Variants in ZBTB16 observed in about 807,000 individuals in gnomAD.
The protein encoded by ZBTB16 is zinc finger and BTB domain-containing protein 16.
Under a neutral mutation model 56.8 loss-of-function variants are expected in ZBTB16, and 8 were observed. The ratio of observed to expected loss-of-function variants is 0.14; its 90% CI spans 0.08 to 0.25. ZBTB16 has a LOEUF of 0.25. Ranked by LOEUF, ZBTB16 falls within the 10% of genes least tolerant of loss-of-function variation. ZBTB16 has a pLI of 1.00. For missense variants in ZBTB16, 625 were observed against 903.0 expected, an observed-to-expected ratio of 0.69 and a Z score of 3.95; for synonymous variants, 363 against 368.5, an observed-to-expected ratio of 0.98 and a Z score of 0.17.
intron 2 of ZBTB16, among the ~76,000 whole-genome samples, chr11:114,120,393 C>G (rs1941308560): frequency 6.6e-6 from 1 of 152,196 alleles, no homozygotes; most frequent in Non-Finnish European, 1.5e-5. Context: ...CAGACTTCCC[C>G]TGGCTCCCCC....
intron 2 of ZBTB16, among the ~76,000 whole-genome samples, chr11:114,101,976 T>C (rs1031219359): frequency 4.6e-5 from 7 of 152,256 alleles, no homozygotes; most frequent in Admixed American, 6.5e-5. Context: ...TGGATGTGGC[T>C]CTAGGGAATA....
intron 3 of ZBTB16, among the ~76,000 whole-genome samples, chr11:114,171,916 C>T (rs1942979456): frequency 6.6e-6 from 1 of 152,250 alleles, no homozygotes; most frequent in Non-Finnish European, 1.5e-5. Context: ...GGCGTTCCGC[C>T]TCTGCCTGCT....
chr11:114,176,029 G>T (rs1943105187), intron 3 of ZBTB16, among the ~76,000 whole-genome samples: 1 of 152,012 alleles, frequency 6.6e-6, no homozygotes, highest in African/African-American at 2.4e-5. Context: ...GTGTGTATGT[G>T]TGAAATCCTC....
chr11:114,093,909 A>G (rs1278882669), intron 2 of ZBTB16, among the ~76,000 whole-genome samples: 1 of 152,258 alleles, frequency 6.6e-6, no homozygotes, highest in Non-Finnish European at 1.5e-5. Context: ...TGAATTGTCA[A>G]CGGACATTTT....
intron 2 of ZBTB16, among the ~76,000 whole-genome samples, chr11:114,074,222 CG>C (rs375404210): frequency 5.9e-4 from 90 of 152,236 alleles, no homozygotes; most frequent in African/African-American, 2.0e-3. Flanking sequence ...CACCCTCACC[CG>C]GCGTTGTGCT....
intron 2 of ZBTB16, among the ~76,000 whole-genome samples, chr11:114,099,045 G>C (rs1200595164): frequency 6.6e-6 from 1 of 152,164 alleles, no homozygotes; most frequent in Non-Finnish European, 1.5e-5. Context: ...ACTGAGCACT[G>C]GTTGCTGTGA....
intron 4 of ZBTB16, among the ~76,000 whole-genome samples, chr11:114,201,807 T>C (rs567149831): frequency 3.9e-5 from 6 of 152,346 alleles, no homozygotes; most frequent in Non-Finnish European, 5.9e-5. Flanking sequence ...GGCAAAGGTG[T>C]TCTACTTTCT....
chr11:114,091,278 A>G (rs1940175190), intron 2 of ZBTB16, among the ~76,000 whole-genome samples: 1 of 152,108 alleles, frequency 6.6e-6, no homozygotes, highest in Non-Finnish European at 1.5e-5. Flanking sequence ...AACCTGAGAG[A>G]TGGAGACTGC....
rs146410691 is a variant in ZBTB16 at position 114,108,280 on chromosome 11, G to A, written c.1268+43712G>A. Among the ~76,000 whole-genome samples the A allele has an allele frequency of 1.2e-3, 182 of 152,240 alleles. 3 individuals are homozygous for A. The East Asian group carries it at 0.032, about 26-fold the overall frequency. On this transcript the variant is annotated intron_variant, in intron 2 of 6. Transcript: ENST00000335953. Reference sequence around the variant, plus strand: ...TTCCAGCCGTTAGAAAGCTGCTCCCGAGTCTTTCAGCTCAGGAGCTAGAAC... The same window carrying A: ...TTCCAGCCGTTAGAAAGCTGCTCCCAAGTCTTTCAGCTCAGGAGCTAGAAC...
chr11:114,144,177 GAC>G (rs56679355), intron 2 of ZBTB16, among the ~76,000 whole-genome samples: 14,345 of 144,680 alleles, frequency 0.099, 934 homozygotes, highest in East Asian at 0.35. Flanking sequence ...GTGTTTGCCA[GAC>G]ACACACACAC....
At chr11:114,083,936 G>A (rs1939871996) in intron 2 of ZBTB16, among the ~76,000 whole-genome samples, 2 of 152,106 alleles carry the variant, frequency 1.3e-5, no homozygotes, top group Non-Finnish European at 2.9e-5. Context: ...ATACTTCCAG[G>A]ATGATAAATC....
At chr11:114,131,282 C>T (rs924157839) in intron 2 of ZBTB16, among the ~76,000 whole-genome samples, 1 of 152,208 alleles carries the variant, frequency 6.6e-6, no homozygotes, top group African/African-American at 2.4e-5. Context: ...TCTCCTTCTC[C>T]TGCTCCCCCA....
At chr11:114,094,613 C>T (rs2137735636) in intron 2 of ZBTB16, among the ~76,000 whole-genome samples, 1 of 152,302 alleles carries the variant, frequency 6.6e-6, no homozygotes, top group African/African-American at 2.4e-5. Context: ...AAGTTTCTTT[C>T]TGGGCTCAAG....
chr11:114,159,100 G>A (rs542845800), intron 3 of ZBTB16, among the ~76,000 whole-genome samples: 1 of 152,358 alleles, frequency 6.6e-6, no homozygotes, highest in African/African-American at 2.4e-5. Flanking sequence ...AAAAGAAAGG[G>A]TTGCTTGCAT....
chr11:114,076,967 C>T (rs191920235), intron 2 of ZBTB16, among the ~76,000 whole-genome samples: 44 of 152,198 alleles, frequency 2.9e-4, no homozygotes, highest in African/African-American at 1.0e-3. Context: ...CCAGATTCAA[C>T]GGCTGGGGGG....
intron 2 of ZBTB16, among the ~76,000 whole-genome samples, chr11:114,116,826 G>C (rs1387275486): frequency 6.6e-6 from 1 of 152,158 alleles, no homozygotes; most frequent in Non-Finnish European, 1.5e-5. Flanking sequence ...TGTTTATTGA[G>C]TCCTACTGTA....
In ZBTB16 at chr11:114,251,594, C is replaced by T. The variant is rs1466974827; in HGVS notation, c.*1039C>T. 6.6e-6 allele frequency among the ~76,000 whole-genome samples: 1 copy of T among 152,080 alleles called. No homozygotes were observed. The highest frequency in any genetic ancestry group is 1.5e-5 in the Non-Finnish European group (1 of 68,026). Reference sequence around the variant, plus strand: ...GTCCCACACCTGGAAAAGAGGACACCCAGCCCGTGGGATGAGGGAAGCTGG... The same window carrying T: ...GTCCCACACCTGGAAAAGAGGACACTCAGCCCGTGGGATGAGGGAAGCTGG... On this transcript the variant is annotated 3_prime_UTR_variant, in exon 7 of 7. Coordinates refer to ENST00000335953, the MANE Select transcript of ZBTB16 (RefSeq NM_006006.6).
At chr11:114,102,119 C>T (rs568059674) in intron 2 of ZBTB16, among the ~76,000 whole-genome samples, 3 of 152,300 alleles carry the variant, frequency 2.0e-5, no homozygotes, top group African/African-American at 4.8e-5. Context: ...GGGACGTCCT[C>T]ATTCCCAGAC....
At position 114,256,438 on chromosome 11, in the gene ZBTB16, G is replaced by C. The variant is rs530660811; in HGVS notation, c.*5883G>C. Among the ~76,000 whole-genome samples, 15 of 152,146 alleles carry C rather than the reference G, an allele frequency of 9.9e-5. No homozygotes were observed. Among genetic ancestry groups the C allele is most frequent in the Non-Finnish European group, 1.6e-4 (11 of 68,032 alleles). On this transcript the variant is annotated 3_prime_UTR_variant, in exon 7 of 7. Transcript: ENST00000335953. ...TAGGATAACTTGCTCAGGATTGCAC[G>C]GCTGGTGAGCAGCAGTCAGAACTCC...
Sources: gnomAD v4.1 joint callset for allele counts (sites outside exome capture counted in the v4.1 genomes callset) on GRCh38, gnomAD v4.1.1 for gene constraint, MANE v1.5 for transcripts, NCBI Gene and HGNC (gene_info 2026-07-23, HGNC 2026-07-21) for gene names.